Variants in GPR158 observed in about 807,000 individuals in gnomAD.
GPR158 encodes the protein metabotropic glycine receptor.
In GPR158, 30 loss-of-function variants were observed where a neutral mutation model predicts 78.2. The ratio of observed to expected loss-of-function variants is 0.38; its 90% CI spans 0.29 to 0.52. The LOEUF is 0.52. GPR158 is among the 20% of genes least tolerant of loss of function. The pLI is 0.83. For synonymous variants in GPR158, 581 were observed against 591.1 expected (o/e 0.98, Z 0.25); for missense variants, 1,463 against 1,523.5 (o/e 0.96, Z 0.66).
chr10:25,373,948 G>T (rs1032469406), intron 2 of GPR158, among the ~76,000 whole-genome samples: 14 of 151,486 alleles, frequency 9.2e-5, no homozygotes, highest in Admixed American at 4.6e-4. Context: ...CAAATTTTTT[G>T]ATTAGGTTGT....
At chr10:25,364,314 G>A (rs1482982701) in intron 2 of GPR158, among the ~76,000 whole-genome samples, 1 of 151,594 alleles carries the variant, frequency 6.6e-6, no homozygotes, top group Non-Finnish European at 1.5e-5. Flanking sequence ...CATGACCAGG[G>A]GCCTTAGAAT....
chr10:25,239,314 A>G (rs1351268353), intron 2 of GPR158, among the ~76,000 whole-genome samples: 1 of 152,102 alleles, frequency 6.6e-6, no homozygotes, highest in Non-Finnish European at 1.5e-5. Context: ...GATTAAAACA[A>G]TAGGGGCCAG....
At chr10:25,371,996 A>G (rs1189352903) in intron 2 of GPR158, among the ~76,000 whole-genome samples, 1 of 151,900 alleles carries the variant, frequency 6.6e-6, no homozygotes. Context: ...CAATGAACTC[A>G]AATAAATTTA....
intron 1 of GPR158, among the ~76,000 whole-genome samples, chr10:25,192,593 A>C (rs367611502): frequency 2.0e-5 from 3 of 152,272 alleles, no homozygotes; most frequent in Admixed American, 6.5e-5. Flanking sequence ...AATGCCTCTT[A>C]CTGTTGTAAA....
At chr10:25,546,277 AAT>A (rs1321671670) in intron 5 of GPR158, among the ~76,000 whole-genome samples, 2 of 152,136 alleles carry the variant, frequency 1.3e-5, no homozygotes, top group African/African-American at 4.8e-5. Flanking sequence ...TGAGAAGCCT[AAT>A]AGTCTTCTCC....
At chr10:25,425,986 A>G (rs1210567092) in intron 4 of GPR158, among the ~76,000 whole-genome samples, 1 of 152,046 alleles carries the variant, frequency 6.6e-6, no homozygotes, top group African/African-American at 2.4e-5. Context: ...TCTGTGTGCA[A>G]TTGTTCTTTA....
chr10:25,335,513 T>A (rs1031323942), intron 2 of GPR158, among the ~76,000 whole-genome samples: 2 of 152,048 alleles, frequency 1.3e-5, no homozygotes, highest in Non-Finnish European at 2.9e-5. Context: ...GTTCTTCTGC[T>A]ATTGCTTTAT....
At chr10:25,403,825 T>G (rs1463998829) in intron 3 of GPR158, among the ~76,000 whole-genome samples, 1 of 152,102 alleles carries the variant, frequency 6.6e-6, no homozygotes, top group Non-Finnish European at 1.5e-5. Context: ...TATTTTCAAC[T>G]AAGCATCTGT....
At chr10:25,440,115 G>A (rs1321406946) in intron 4 of GPR158, among the ~76,000 whole-genome samples, 7 of 152,286 alleles carry the variant, frequency 4.6e-5, no homozygotes, top group Non-Finnish European at 8.8e-5. Flanking sequence ...GTAATGTTTA[G>A]AAGTGATAGA....
intron 7 of GPR158, among the ~76,000 whole-genome samples, chr10:25,579,463 A>C (rs1308508738): frequency 6.6e-6 from 1 of 152,164 alleles, no homozygotes; most frequent in African/African-American, 2.4e-5. Flanking sequence ...ATTTTATAAC[A>C]GAGGTAGTGA....
At chr10:25,462,888 T>C (rs1835374822) in intron 4 of GPR158, among the ~76,000 whole-genome samples, 3 of 152,190 alleles carry the variant, frequency 2.0e-5, no homozygotes, top group African/African-American at 7.2e-5. Context: ...ATTGTTGAAA[T>C]GACAACAAAG....
chr10:25,339,487 C>G (rs1053779762), intron 2 of GPR158, among the ~76,000 whole-genome samples: 1 of 152,042 alleles, frequency 6.6e-6, no homozygotes, highest in Non-Finnish European at 1.5e-5. Flanking sequence ...AATTCTCACA[C>G]CTTCAGTTTG....
chr10:25,322,842 CTTTT>C (rs112173925), intron 2 of GPR158, among the ~76,000 whole-genome samples: 7 of 151,412 alleles, frequency 4.6e-5, no homozygotes, highest in African/African-American at 7.3e-5. Context: ...ATTGGCAAGT[CTTTT>C]TTTTTGTTTG....
Position 25,322,504 on chromosome 10 carries a change from T to C in GPR158, c.1009-73407T>C, listed in dbSNP as rs147166752. 5.7e-3 allele frequency among the ~76,000 whole-genome samples: 874 copies of C among 152,374 alleles called. 4 individuals are homozygous for C. Among genetic ancestry groups the C allele is most frequent in the African/African-American group, 0.018 (740 of 41,592 alleles). On this transcript the variant is annotated intron_variant, in intron 2 of 10. Transcript: ENST00000376351. ...TCTTTGTATCTTTACAAAATTTTGCTCGTAACTCCTGTTACTGATGATATT... is the reference window on the plus strand; with the variant it reads ...TCTTTGTATCTTTACAAAATTTTGCCCGTAACTCCTGTTACTGATGATATT...
intron 2 of GPR158, among the ~76,000 whole-genome samples, chr10:25,361,790 T>A (rs1351851860): frequency 1.3e-5 from 2 of 152,006 alleles, no homozygotes. Flanking sequence ...ACTTTGATTA[T>A]TTGATACTTC....
intron 4 of GPR158, among the ~76,000 whole-genome samples, chr10:25,429,350 T>C (rs1203503605): frequency 6.6e-6 from 1 of 152,128 alleles, no homozygotes; most frequent in African/African-American, 2.4e-5. Context: ...CTGAAAAATA[T>C]ATGGCCTCCA....
intron 2 of GPR158, among the ~76,000 whole-genome samples, chr10:25,345,633 A>C (rs112042029): frequency 0.017 from 2,536 of 152,104 alleles, 19 homozygotes; most frequent in African/African-American, 0.025. Flanking sequence ...CTATAAATCA[A>C]CTTGTTTTTT....
At chr10:25,570,509 T>A (rs1387310802) in intron 6 of GPR158, among the ~76,000 whole-genome samples, 1 of 152,184 alleles carries the variant, frequency 6.6e-6, no homozygotes, top group African/African-American at 2.4e-5. Context: ...TTTTTCTAGG[T>A]TTTTGTTTAT....
intron 1 of GPR158, among the ~76,000 whole-genome samples, chr10:25,197,656 T>G (rs1852861428): frequency 6.6e-6 from 1 of 152,226 alleles, no homozygotes; most frequent in African/African-American, 2.4e-5. Context: ...CAGATTACAG[T>G]GTTCACATAC....
Sources: allele counts gnomAD v4.1 joint callset (sites outside exome capture counted in the v4.1 genomes callset), GRCh38; gene constraint gnomAD v4.1.1; transcripts MANE v1.5; gene names NCBI Gene and HGNC (gene_info 2026-07-23, HGNC 2026-07-21).